Variants in ZC3H18 observed in about 807,000 individuals in gnomAD.
ZC3H18 encodes the protein zinc finger CCCH-type containing 18, also known as zinc finger CCCH domain-containing protein 18.
In ZC3H18, 8 loss-of-function variants were observed where a neutral mutation model predicts 106.1. That is an observed-to-expected ratio of 0.08 (90% CI 0.04 to 0.14). The LOEUF is 0.14. Ranked by LOEUF, ZC3H18 falls within the 10% of genes least tolerant of loss-of-function variation. ZC3H18 has a pLI of 1.00. For missense variants in ZC3H18, 1,318 were observed against 1,278.4 expected (o/e 1.03, Z -0.47); for synonymous variants, 635 against 522.1 (o/e 1.22, Z -2.95).
chr16:88,608,346 T>C (rs1355156199), intron 6 of ZC3H18, among the ~76,000 whole-genome samples: 1 of 152,088 alleles, frequency 6.6e-6, no homozygotes, highest in African/African-American at 2.4e-5. Flanking sequence ...CACTTCCTAT[T>C]TTCTTTCCTT....
chr16:88,588,618 G>A (rs956346889), intron 3 of ZC3H18, among the ~76,000 whole-genome samples: 2 of 152,184 alleles, frequency 1.3e-5, no homozygotes, highest in Admixed American at 1.3e-4. Flanking sequence ...ACTAAGTACT[G>A]AGTTTGGGTT....
chr16:88,589,658 A>G (rs1345268183), intron 3 of ZC3H18, among the ~76,000 whole-genome samples: 1 of 152,054 alleles, frequency 6.6e-6, no homozygotes, highest in Non-Finnish European at 1.5e-5. Flanking sequence ...ACGGAAGGCC[A>G]CAGATCCACA....
chr16:88,586,524 G>A (rs1915444888), intron 2 of ZC3H18, 76 bp from the exon 3 acceptor site: 4 of 1,226,458 alleles, frequency 3.3e-6, no homozygotes, highest in African/African-American at 3.0e-5. Flanking sequence ...GCAGCTTCCT[G>A]CCCCTTCTGG....
intron 16 of ZC3H18, among the ~76,000 whole-genome samples, chr16:88,629,248 G>A (rs1241449681): frequency 6.6e-6 from 1 of 152,198 alleles, no homozygotes; most frequent in Non-Finnish European, 1.5e-5. Flanking sequence ...GCCAAGGTGG[G>A]CAGATCATCT....
At position 88,607,588 on chromosome 16, in the gene ZC3H18, G is replaced by A. The variant is rs1279343293; in HGVS notation, c.1089-1346G>A. The stretch of plus-strand genomic sequence containing the variant: ...TTTATTCATGCACACTTTGTATCAG[G>A]CGTCTCCCCATTTATTCACACGCTT... On this transcript the variant is annotated intron_variant, in intron 6 of 17. Transcript: ENST00000301011. Among the ~76,000 whole-genome samples, 5 of 152,006 alleles carry A rather than the reference G, an allele frequency of 3.3e-5. No individual in the cohort carries two copies. The South Asian group carries it at 1.0e-3, about 32-fold the overall frequency.
intron 3 of ZC3H18, among the ~76,000 whole-genome samples, chr16:88,590,560 A>ATTTTTTTTTT (rs1915685593): frequency 1.2e-4 from 3 of 24,114 alleles, no homozygotes; most frequent in East Asian, 1.3e-3. Context: ...GGGTTTCTTT[A>ATTTTTTTTTT]TTTCTTTTTT....
At chr16:88,624,782 G>C (rs758397677) in intron 12 of ZC3H18, 37 bp downstream of exon 12, 8 of 1,576,096 alleles carry the variant, frequency 5.1e-6, no homozygotes, top group African/African-American at 4.1e-5. Context: ...CAGGCTTTCC[G>C]TGTTCTTGGT....
intron 17 of ZC3H18, 46 bp downstream of exon 17, chr16:88,630,627 CCCCAGTCGCTT>C (rs1447694984): frequency 6.6e-7 from 1 of 1,523,918 alleles, no homozygotes; most frequent in East Asian, 2.4e-5. Context: ...AGGGGGCCAG[CCCCAGTCGCTT>C]CCCCAGGGAG....
chr16:88,578,532 G>C (rs1020421245), intron 2 of ZC3H18, among the ~76,000 whole-genome samples: 6 of 147,648 alleles, frequency 4.1e-5, no homozygotes, highest in African/African-American at 1.5e-4. Context: ...CTGGGTTTTT[G>C]TTGTTTTTTT....
At position 88,586,670 on chromosome 16, in the gene ZC3H18, G is replaced by A. The variant is rs1409025394; in HGVS notation, c.674G>A (p.Arg225Gln). 2 of 1,614,006 alleles carry A rather than the reference G, an allele frequency of 1.2e-6. No homozygotes were observed. Among genetic ancestry groups the A allele is most frequent in the African/African-American group, 1.3e-5 (1 of 74,916 alleles). ...DRKVRPRPTC[R>Q]FFMKGNCTWG... ...AAGGTGAGGCCTCGTCCCACCTGCC[G>A]GTTCTTCATGAAAGGTAATTGTCTG... Residue 225 changes from arginine (R) to glutamine (Q), a missense_variant, in exon 3 of 18, where the codon CGG becomes CAG. Coordinates refer to ENST00000301011, the MANE Select transcript of ZC3H18 (RefSeq NM_144604.4).
chr16:88,578,280 C>G (rs1252578863), intron 2 of ZC3H18, among the ~76,000 whole-genome samples: 2 of 152,186 alleles, frequency 1.3e-5, no homozygotes, highest in South Asian at 2.1e-4. Flanking sequence ...TGGTGGGCAC[C>G]TCAACTTCTG....
intron 6 of ZC3H18, among the ~76,000 whole-genome samples, chr16:88,606,969 T>C (rs1905038392): frequency 1.3e-5 from 2 of 152,168 alleles, no homozygotes; most frequent in South Asian, 2.1e-4. Flanking sequence ...AGACATACCC[T>C]GGAGGGGCGT....
Position 88,612,585 on chromosome 16 carries a change from G to A in ZC3H18, c.1475+1049G>A, listed in dbSNP as rs187379309. The stretch of plus-strand genomic sequence containing the variant: ...CCAGCTACTCGGGAGGCCAAGGCAG[G>A]AGGATTACAGGATCGCCCAGGTGTT... On this transcript the variant is annotated intron_variant, in intron 8 of 17. Transcript: ENST00000301011. 2.4e-3 allele frequency among the ~76,000 whole-genome samples: 371 copies of A among 151,816 alleles called. 1 individual carries two copies. Among genetic ancestry groups the A allele is most frequent in the African/African-American group, 8.6e-3 (355 of 41,354 alleles).
chr16:88,576,928 G>A (rs1465104991), intron 1 of ZC3H18, among the ~76,000 whole-genome samples, 182 bp from the exon 2 acceptor site: 3 of 152,318 alleles, frequency 2.0e-5, no homozygotes, highest in African/African-American at 7.2e-5. Context: ...TAGCTGAGCA[G>A]TCTAGCCTTG....
chr16:88,592,901 G>A (rs979199224), intron 3 of ZC3H18, among the ~76,000 whole-genome samples: 11 of 151,946 alleles, frequency 7.2e-5, no homozygotes, highest in African/African-American at 1.2e-4. Context: ...TTTATTATTC[G>A]TAAGTTCTTT....
At chr16:88,629,003 G>C in intron 16 of ZC3H18, 149 bp downstream of exon 16, 1 of 729,884 alleles carries the variant, frequency 1.4e-6, no homozygotes, top group East Asian at 2.7e-5. Context: ...GGTATTTAGG[G>C]TGTTGAAAAC....
chr16:88,591,449 C>T (rs1024489879), intron 3 of ZC3H18, among the ~76,000 whole-genome samples: 5 of 152,036 alleles, frequency 3.3e-5, no homozygotes, highest in Admixed American at 3.3e-4. Context: ...GAGCACACCT[C>T]TAATTCCAGC....
rs756505276 is a variant in ZC3H18 at position 88,599,864 on chromosome 16, G to A, written c.1004G>A (p.Gly335Asp). ...FEEKRFTVTIGEDEREFDKEN... is the reference protein window; with the variant it reads ...FEEKRFTVTIDEDEREFDKEN... ...GAGAAAAGGTTTACGGTGACCATTG[G>A]CGAAGACGAACGGGAATTTGACAAA... The change falls in exon 6 of 18, where the codon GGC becomes GAC. Residue 335 changes from glycine (G) to aspartate (D), a missense_variant. Gly to Asp is a moderately conservative substitution (Grantham distance 94). Around this residue, in one of 6 missense-constraint regions of ZC3H18, gnomAD observed 848 missense variants for 821.7 expected, o/e 1.03. Transcript: ENST00000301011. 1.2e-6 allele frequency: 2 copies of A among 1,614,214 alleles called. No homozygotes were observed. The highest frequency in any genetic ancestry group is 1.7e-5 in the Admixed American group (1 of 60,028).
intron 3 of ZC3H18, among the ~76,000 whole-genome samples, chr16:88,593,489 T>G (rs1904307488): frequency 6.6e-6 from 1 of 152,192 alleles, no homozygotes; most frequent in Non-Finnish European, 1.5e-5. Context: ...AATTTTCGAT[T>G]TAGTATTTTC....
Sources: gnomAD v4.1 joint callset for allele counts (sites outside exome capture counted in the v4.1 genomes callset) on GRCh38, gnomAD v4.1.1 for gene constraint, gnomAD v4.1.1 regional missense constraint, MANE v1.5 for transcripts, NCBI Gene and HGNC (gene_info 2026-07-23, HGNC 2026-07-21) for gene names.